WRN: variants seen among roughly 807,000 people sequenced by gnomAD.
WRN encodes WRN RecQ like helicase.
WRN carries 149 observed loss-of-function variants against 180.7 expected under a neutral mutation model. The ratio of observed to expected loss-of-function variants is 0.82; its 90% CI spans 0.72 to 0.94. WRN has a LOEUF of 0.94. Ranked by LOEUF, WRN falls within the 40% of genes least tolerant of loss-of-function variation. The probability of loss-of-function intolerance (pLI) is 0.00; values close to 1 mark genes in which losing one functional copy is unlikely to be tolerated. For synonymous variants in WRN, 548 were observed against 568.9 expected (o/e 0.96, Z 0.52); for missense variants, 1,661 against 1,700.1 (o/e 0.98, Z 0.40).
chr8:31,080,946 A>T lies in WRN; in HGVS notation c.919A>T (p.Thr307Ser), dbSNP rs1002222882. ...RMIIGSTNIE[T>S]ELRPSNNLNL... Reference sequence around the variant, plus strand: ...GATAATTGGGTCTACTAACATTGAGACTGAACTGAGGCCCAGCAATAATTT... The same window carrying T: ...GATAATTGGGTCTACTAACATTGAGTCTGAACTGAGGCCCAGCAATAATTT... The change falls in exon 9 of 35, where the codon ACT becomes TCT. Residue 307 changes from threonine (T) to serine (S), a missense_variant. Thr to Ser is a moderately conservative substitution (Grantham distance 58). This residue lies in a region of WRN where 500 missense variants were observed against 504.1 expected (regional missense o/e 0.99). Transcript: ENST00000298139. 7 of 1,613,754 alleles carry T rather than the reference A, an allele frequency of 4.3e-6. No individual in the cohort carries two copies. The highest frequency in any genetic ancestry group is 4.5e-5 in the East Asian group (2 of 44,840).
At chr8:31,099,261 G>A (rs1173676288) in intron 17 of WRN, among the ~76,000 whole-genome samples, 5 of 152,100 alleles carry the variant, frequency 3.3e-5, no homozygotes, top group South Asian at 2.1e-4. Context: ...AAAATTAGCC[G>A]GGCATGGTGG....
At chr8:31,088,732 C>A (rs972714432) in intron 12 of WRN, among the ~76,000 whole-genome samples, 158 bp from the exon 13 acceptor site, 1 of 151,938 alleles carries the variant, frequency 6.6e-6, no homozygotes, top group Non-Finnish European at 1.5e-5. Flanking sequence ...AGATGGTACC[C>A]AGAAGACCAG....
Position 31,167,102 on chromosome 8 carries a change from C to T in WRN, c.4063C>T (p.Leu1355Phe), listed in dbSNP as rs757631368. 3 of 1,613,378 alleles carry T rather than the reference C, an allele frequency of 1.9e-6. No homozygotes were observed. Among genetic ancestry groups the T allele is most frequent in the Non-Finnish European group, 1.7e-6 (2 of 1,179,564 alleles). Residue 1355 changes from leucine (L) to phenylalanine (F), a missense_variant, in exon 34 of 35, where the codon CTT becomes TTT. Around this residue, in one of 3 missense-constraint regions of WRN, gnomAD observed 1,141 missense variants for 1,149.4 expected, o/e 0.99. Coordinates refer to ENST00000298139, the MANE Select transcript of WRN (RefSeq NM_000553.6). ...TYLIHMAIEI[L>F]KHGPDSGLQP... ...CCTTATCCACATGGCAATTGAGATC[C>T]TTAAACATGGTCCTGACAGCGGACT...
intron 18 of WRN, among the ~76,000 whole-genome samples, chr8:31,106,059 A>G (rs1177695902): frequency 6.7e-6 from 1 of 150,174 alleles, no homozygotes; most frequent in South Asian, 2.1e-4. Context: ...CTCTTTCCTC[A>G]CTCTCCTCCA....
chr8:31,103,821 G>A (rs562713674), intron 18 of WRN, among the ~76,000 whole-genome samples: 1 of 151,984 alleles, frequency 6.6e-6, no homozygotes, highest in South Asian at 2.1e-4. Context: ...TGCAAGCTCC[G>A]CCTCCTGGGT....
chr8:31,170,448 T>C (rs1278335586), intron 34 of WRN, among the ~76,000 whole-genome samples: 1 of 152,200 alleles, frequency 6.6e-6, no homozygotes. Flanking sequence ...CAGATGCTCA[T>C]TCACAGGTAA....
chr8:31,142,369 G>A (rs11574344), intron 26 of WRN, among the ~76,000 whole-genome samples: 147 of 152,234 alleles, frequency 9.7e-4, no homozygotes, highest in African/African-American at 3.4e-3. Context: ...TTTACTTCTG[G>A]TGTGTAGAAG....
rs562530456 is a variant in WRN, at chr8:31,161,719, A to G, written c.3982+4189A>G. On this transcript the variant is annotated intron_variant, in intron 33 of 34. Transcript: ENST00000298139. ...CTGGGCGTGGTGTTGGGTGCCTGTA[A>G]TCCCAGCTACTCAGGAGGCTGAGGC... is the stretch of plus-strand genomic sequence containing the variant. Among the ~76,000 whole-genome samples the G allele has an allele frequency of 5.9e-5, 9 of 151,326 alleles. 1 individual carries two copies. In the East Asian group the frequency reaches 9.8e-4, roughly 16 times the overall value.
In WRN at chr8:31,154,735, C is replaced by G; in HGVS notation, c.3799C>G (p.Gln1267Glu). Reference sequence around the variant, plus strand: ...TATGGCCATCACATACTCTTTATTCCAAGAAAAGAAGATGCCTTTGGTAAG... The same window carrying G: ...TATGGCCATCACATACTCTTTATTCGAAGAAAAGAAGATGCCTTTGGTAAG... The part of the protein sequence containing the change: ...QSMAITYSLF[Q>E]EKKMPLKSIA... The change falls in exon 32 of 35, where the codon CAA becomes GAA. Residue 1267 changes from glutamine (Q) to glutamate (E), a missense_variant. This residue lies in a region of WRN where 1,141 missense variants were observed against 1,149.4 expected (regional missense o/e 0.99). Transcript: ENST00000298139. 6.2e-7 allele frequency: 1 copy of G among 1,613,350 alleles called. No individual in the cohort carries two copies. The highest frequency in any genetic ancestry group is 8.5e-7 in the Non-Finnish European group (1 of 1,179,642).
intron 1 of WRN, among the ~76,000 whole-genome samples, chr8:31,050,737 G>A (rs566207121): frequency 2.6e-5 from 4 of 152,060 alleles, no homozygotes; most frequent in Non-Finnish European, 5.9e-5. Context: ...GAAATTCAAT[G>A]AATATTTGTA....
intron 23 of WRN, among the ~76,000 whole-genome samples, chr8:31,125,537 G>GATAGATATATATATATATATATATAT (rs1554529384): frequency 6.3e-5 from 4 of 63,766 alleles, no homozygotes; most frequent in Admixed American, 2.2e-4. Context: ...ATATTATGGA[G>GATAGATATATATATATATATATATAT]ATATATATAT....
At chr8:31,087,690 C>G (rs965696703) in intron 11 of WRN, 86 bp from the exon 12 acceptor site, 3 of 1,395,686 alleles carry the variant, frequency 2.1e-6, no homozygotes, top group South Asian at 2.3e-5. Context: ...ATTGTAGGCC[C>G]TGTTAATAAT....
At chr8:31,092,915 A>G (rs190638487) in intron 16 of WRN, among the ~76,000 whole-genome samples, 28 of 152,134 alleles carry the variant, frequency 1.8e-4, no homozygotes, top group African/African-American at 6.5e-4. Context: ...ATGCTGTTGC[A>G]TGTATCAGTA....
chr8:31,172,967 G>C (rs878944460), intron 34 of WRN, 28 bp from the exon 35 acceptor site: 1 of 1,607,190 alleles, frequency 6.2e-7, no homozygotes, highest in South Asian at 1.1e-5. Context: ...ACAAAGATTT[G>C]ATTTCTTTTT....
intron 10 of WRN, 148 bp from the exon 11 acceptor site, chr8:31,085,018 T>G: frequency 2.1e-6 from 1 of 479,756 alleles, no homozygotes; most frequent in South Asian, 4.3e-5. Flanking sequence ...TTTTTATCTA[T>G]CATATAAATA....
chr8:31,064,556 A>G, intron 4 of WRN, 122 bp downstream of exon 4: 1 of 1,366,610 alleles, frequency 7.3e-7, no homozygotes, highest in Non-Finnish European at 1.0e-6. Flanking sequence ...TTATTTAAGT[A>G]TTTATGTTCT....
At chr8:31,091,973 T>G in intron 16 of WRN, 75 bp downstream of exon 16, 1 of 1,332,682 alleles carries the variant, frequency 7.5e-7, no homozygotes, top group Non-Finnish European at 1.1e-6. Context: ...CGTGGGTGAA[T>G]TACATGTTGC....
intron 18 of WRN, among the ~76,000 whole-genome samples, chr8:31,106,420 G>A (rs1010164496): frequency 5.3e-5 from 8 of 152,014 alleles, no homozygotes; most frequent in African/African-American, 1.7e-4. Context: ...ATGAGTTACC[G>A]ATCCTCATGT....
chr8:31,114,893 GGTTTT>G (rs1801453979), intron 19 of WRN, among the ~76,000 whole-genome samples: 1 of 136,164 alleles, frequency 7.3e-6, no homozygotes, highest in Admixed American at 7.4e-5. Flanking sequence ...TTTAAAATAA[GGTTTT>G]TTTTTTTTTT....
Sources: allele counts gnomAD v4.1 joint callset (sites outside exome capture counted in the v4.1 genomes callset), GRCh38; gene constraint gnomAD v4.1.1; regional missense constraint gnomAD v4.1.1; transcripts MANE v1.5; gene names NCBI Gene and HGNC (gene_info 2026-07-23, HGNC 2026-07-21).